Variants in MGAT4C observed in about 807,000 individuals in gnomAD.
MGAT4C encodes the protein alpha-1,3-mannosyl-glycoprotein 4-beta-N-acetylglucosaminyltransferase C.
Under a neutral mutation model 40.1 loss-of-function variants are expected in MGAT4C, and 19 were observed. The observed-to-expected ratio is 0.47, with a 90% CI of 0.33 to 0.70. The LOEUF (loss-of-function observed/expected upper bound fraction) is 0.70, where lower values mean the gene tolerates loss of function less well. Among genes scored for constraint, MGAT4C ranks in the 30% least tolerant of loss-of-function variants. The probability of loss-of-function intolerance (pLI) is 0.02; values close to 1 mark genes in which losing one functional copy is unlikely to be tolerated. For missense variants in MGAT4C, 491 were observed against 563.2 expected (o/e 0.87, Z 1.30); for synonymous variants, 181 against 187.1 (o/e 0.97, Z 0.27).
At chr12:86,594,489 C>A (rs1961454524) in intron 2 of MGAT4C, among the ~76,000 whole-genome samples, 1 of 152,130 alleles carries the variant, frequency 6.6e-6, no homozygotes, top group Non-Finnish European at 1.5e-5. Context: ...TGGAATTCTC[C>A]TTTCTTGACT....
At chr12:86,734,376 G>C (rs1950954197) in intron 1 of MGAT4C, among the ~76,000 whole-genome samples, 1 of 152,108 alleles carries the variant, frequency 6.6e-6, no homozygotes, top group South Asian at 2.1e-4. Flanking sequence ...GGGAGTAGAG[G>C]GGAATGCATG....
At chr12:86,328,616 T>C (rs1306671699) in intron 4 of MGAT4C, among the ~76,000 whole-genome samples, 1 of 152,112 alleles carries the variant, frequency 6.6e-6, no homozygotes, top group Non-Finnish European at 1.5e-5. Context: ...TTTGTGAGAT[T>C]CATATTATGA....
rs2136641441 is a variant in MGAT4C, at chr12:85,960,572, T to G, written c.*18717A>C. The G allele has an allele frequency of 6.6e-6, 1 of 152,158 alleles. No individual in the cohort carries two copies. Among genetic ancestry groups the G allele is most frequent in the South Asian group, 2.1e-4 (1 of 4,834 alleles). The allele number at this position is 152,158 out of a possible 1,614,324, so 9.4% of individuals were successfully genotyped here. ...TACTCCTTTGATTTTCAGACTAATT[T>G]GGATCATGATTATTGGCCTGTGTCC... On this transcript the variant is annotated 3_prime_UTR_variant, in exon 5 of 5. Transcript: ENST00000611864.
chr12:86,835,593 G>T (rs1953021193), intron 1 of MGAT4C, among the ~76,000 whole-genome samples: 2 of 151,894 alleles, frequency 1.3e-5, no homozygotes, highest in South Asian at 4.1e-4. Flanking sequence ...CATATCCTTT[G>T]GGAAAATGTA....
chr12:86,226,733 A>G (rs573148018), intron 1 of MGAT4C, among the ~76,000 whole-genome samples: 77 of 151,910 alleles, frequency 5.1e-4, no homozygotes, highest in African/African-American at 1.7e-3. Flanking sequence ...CTGCTTATAC[A>G]CACTCCCAGA....
intron 2 of MGAT4C, among the ~76,000 whole-genome samples, chr12:86,586,832 A>C (rs1217933590): frequency 6.6e-6 from 1 of 151,684 alleles, no homozygotes; most frequent in African/African-American, 2.4e-5. Flanking sequence ...GTTGGAGTTC[A>C]TTGTAGATTC....
At chr12:86,382,716 G>C (rs1955964330) in intron 3 of MGAT4C, among the ~76,000 whole-genome samples, 1 of 152,210 alleles carries the variant, frequency 6.6e-6, no homozygotes, top group South Asian at 2.1e-4. Flanking sequence ...CTGCATCCTA[G>C]CTGCTCCAGC....
chr12:86,753,053 G>C (rs1462766019), intron 1 of MGAT4C, among the ~76,000 whole-genome samples: 1 of 152,052 alleles, frequency 6.6e-6, no homozygotes, highest in African/African-American at 2.4e-5. Context: ...CTATAAACTA[G>C]ACTTCTTTAA....
In MGAT4C at chr12:86,107,061, T is replaced by C. The variant is rs548058082; in HGVS notation, c.-56-57338A>G. ...CTTTTGTGGATCTGAAACATAAGTG[T>C]TTTTCTTTAGTAAAATGAAAAAGCT... On this transcript the variant is annotated intron_variant, in intron 1 of 4. Coordinates refer to ENST00000611864, the MANE Select transcript of MGAT4C (RefSeq NM_001351288.2). Among the ~76,000 whole-genome samples, 9 of 152,284 alleles carry C rather than the reference T, an allele frequency of 5.9e-5. 1 individual carries two copies. In the East Asian group the frequency reaches 1.7e-3, roughly 29 times the overall value.
chr12:86,009,098 T>G (rs1212204079), intron 2 of MGAT4C, among the ~76,000 whole-genome samples: 1 of 152,280 alleles, frequency 6.6e-6, no homozygotes. Flanking sequence ...CAGAGAAACC[T>G]TAAGTCTAGG....
At chr12:86,111,044 A>C (rs11835108) in intron 1 of MGAT4C, among the ~76,000 whole-genome samples, 17,087 of 151,738 alleles carry the variant, frequency 0.11, 2,075 homozygotes, top group African/African-American at 0.3. Flanking sequence ...TTGCTTTAAC[A>C]AATACTAATT....
chr12:86,539,646 T>G (rs1051104690), intron 2 of MGAT4C, among the ~76,000 whole-genome samples: 2 of 152,320 alleles, frequency 1.3e-5, no homozygotes, highest in East Asian at 1.9e-4. Flanking sequence ...ACCAACAGTG[T>G]AAAAGTGTTT....
chr12:86,668,385 T>G (rs1047940698), intron 2 of MGAT4C, among the ~76,000 whole-genome samples: 1 of 152,134 alleles, frequency 6.6e-6, no homozygotes, highest in Admixed American at 6.5e-5. Context: ...AGCATCCCCC[T>G]GTGATTCACC....
intron 2 of MGAT4C, among the ~76,000 whole-genome samples, chr12:86,029,421 G>A (rs1487775034): frequency 6.6e-6 from 1 of 151,812 alleles, no homozygotes; most frequent in South Asian, 2.1e-4. Flanking sequence ...ACAAACTTAT[G>A]TAAACTGGTT....
At chr12:86,480,639 A>C (rs1045094737) in intron 2 of MGAT4C, among the ~76,000 whole-genome samples, 2 of 114,262 alleles carry the variant, frequency 1.8e-5, no homozygotes, top group African/African-American at 6.4e-5. Context: ...TAAGTAGTTA[A>C]TGATGTATAA....
intron 1 of MGAT4C, among the ~76,000 whole-genome samples, chr12:86,750,026 A>G (rs1301901317): frequency 6.6e-6 from 1 of 151,280 alleles, no homozygotes; most frequent in East Asian, 1.9e-4. Context: ...TGTTGATTTT[A>G]TCTCCCTAGT....
At chr12:86,681,023 C>A (rs1469538523) in intron 2 of MGAT4C, among the ~76,000 whole-genome samples, 1 of 151,802 alleles carries the variant, frequency 6.6e-6, no homozygotes, top group African/African-American at 2.4e-5. Flanking sequence ...ATTTCAAAAC[C>A]TCCTTAGCAT....
chr12:86,435,511 TA>T (rs941289678), intron 2 of MGAT4C, among the ~76,000 whole-genome samples: 1 of 151,516 alleles, frequency 6.6e-6, no homozygotes, highest in Admixed American at 6.6e-5. Context: ...GGTCTAAGAT[TA>T]AAAAAAATAC....
At chr12:86,774,356 C>CTTT (rs1565981843) in intron 1 of MGAT4C, among the ~76,000 whole-genome samples, 67 of 20,980 alleles carry the variant, frequency 3.2e-3, no homozygotes, top group South Asian at 4.2e-3. Flanking sequence ...TCTCTCTCCC[C>CTTT]TCTCTCTCTC....
Sources: allele counts gnomAD v4.1 joint callset (sites outside exome capture counted in the v4.1 genomes callset), GRCh38; gene constraint gnomAD v4.1.1; transcripts MANE v1.5; gene names NCBI Gene and HGNC (gene_info 2026-07-23, HGNC 2026-07-21).